RANBP2: variants seen among roughly 807,000 people sequenced by gnomAD.
RANBP2 encodes the protein E3 SUMO-protein ligase RanBP2.
In RANBP2, 57 loss-of-function variants were observed where a neutral mutation model predicts 303.6. The ratio of observed to expected loss-of-function variants is 0.19; its 90% CI spans 0.15 to 0.23. The LOEUF is 0.23. Among genes scored for constraint, RANBP2 ranks in the 10% least tolerant of loss-of-function variants. The probability of loss-of-function intolerance (pLI) is 1.00; values close to 1 mark genes in which losing one functional copy is unlikely to be tolerated. For missense variants in RANBP2, 3,138 were observed against 3,780.8 expected (o/e 0.83, Z 4.46); for synonymous variants, 1,167 against 1,301.5 (o/e 0.90, Z 2.23).
chr2:108,772,924 G>C lies in RANBP2; in HGVS notation c.8170G>C (p.Ala2724Pro), dbSNP rs1187421000. The change falls in exon 23 of 29, where the codon GCA becomes CCA. Residue 2724 changes from alanine (A) to proline (P), a missense_variant. By Grantham distance (27) the Ala-to-Pro change is conservative. Transcript: ENST00000283195. Reference protein sequence around the residue: ...WEKKPTVEEKAKADTLKLPPT... With the variant: ...WEKKPTVEEKPKADTLKLPPT... ...AAAGAAACCAACAGTTGAAGAGAAG[G>C]CAAAAGCAGATACGTTAAAACTTCC... 6.2e-7 allele frequency: 1 copy of C among 1,613,976 alleles called. No homozygotes were observed. Among genetic ancestry groups the C allele is most frequent in the Admixed American group, 1.7e-5 (1 of 60,020 alleles).
At chr2:108,727,128 C>T (rs922374106) in intron 1 of RANBP2, among the ~76,000 whole-genome samples, 1 of 152,154 alleles carries the variant, frequency 6.6e-6, no homozygotes, top group African/African-American at 2.4e-5. Context: ...CATCATGGCC[C>T]GTTCTCAATG....
At chr2:109,494,838 A>G in the RANBP2 span, among the ~76,000 whole-genome samples, 38,760 of 152,014 alleles carry the variant, frequency 0.25, 5,300 homozygotes, top group East Asian at 0.5. Context: ...CATCTCTTTC[A>G]AGACTCTGGA....
chr2:109,555,640 T>A, the RANBP2 span, among the ~76,000 whole-genome samples: 2 of 152,148 alleles, frequency 1.3e-5, no homozygotes, highest in Admixed American at 6.5e-5. Context: ...GGCACAAGTG[T>A]TTCTTGTGAT....
At chr2:109,214,702 A>G in the RANBP2 span, among the ~76,000 whole-genome samples, 2 of 152,172 alleles carry the variant, frequency 1.3e-5, no homozygotes, top group African/African-American at 4.8e-5. Context: ...CAGGACAATC[A>G]GAAGATGGGC....
chr2:109,298,317 A>G, the RANBP2 span, among the ~76,000 whole-genome samples: 1 of 151,952 alleles, frequency 6.6e-6, no homozygotes, highest in South Asian at 2.1e-4. Context: ...AGGGAAGCGC[A>G]TCTATGTCTG....
chr2:109,550,484 T>C, the RANBP2 span, among the ~76,000 whole-genome samples: 2 of 151,768 alleles, frequency 1.3e-5, no homozygotes, highest in South Asian at 2.1e-4. Context: ...TGGCTAATTT[T>C]TGTATTTTTA....
At chr2:109,115,606 A>C in the RANBP2 span, among the ~76,000 whole-genome samples, 4 of 152,182 alleles carry the variant, frequency 2.6e-5, no homozygotes, top group Non-Finnish European at 5.9e-5. Flanking sequence ...TGTGTCTTTT[A>C]ATTGGAGCAT....
the RANBP2 span, among the ~76,000 whole-genome samples, chr2:108,874,666 C>A: frequency 6.6e-6 from 1 of 152,062 alleles, no homozygotes; most frequent in African/African-American, 2.4e-5. Flanking sequence ...ATTAAGAGAT[C>A]CATATGTTCT....
intron 1 of RANBP2, among the ~76,000 whole-genome samples, chr2:108,721,636 T>G (rs1298097982): frequency 2.0e-5 from 3 of 152,214 alleles, no homozygotes; most frequent in Admixed American, 2.0e-4. Flanking sequence ...TGGTAGAGAC[T>G]GGGTTTCACC....
At chr2:108,960,762 T>C in the RANBP2 span, among the ~76,000 whole-genome samples, 1 of 152,228 alleles carries the variant, frequency 6.6e-6, no homozygotes, top group African/African-American at 2.4e-5. Flanking sequence ...TGTATAGATA[T>C]ATAGATATAT....
the RANBP2 span, among the ~76,000 whole-genome samples, chr2:109,329,950 G>A: frequency 6.6e-6 from 1 of 152,176 alleles, no homozygotes; most frequent in African/African-American, 2.4e-5. Context: ...TCTTCAATGG[G>A]TTCTTGGACC....
At chr2:109,317,091 G>A in the RANBP2 span, among the ~76,000 whole-genome samples, 2 of 152,074 alleles carry the variant, frequency 1.3e-5, no homozygotes, top group Non-Finnish European at 2.9e-5. Context: ...TGGCAGTTAT[G>A]AATAAAGCTG....
At chr2:108,761,394 A>G (rs1020216270) in intron 18 of RANBP2, among the ~76,000 whole-genome samples, 7 of 152,268 alleles carry the variant, frequency 4.6e-5, no homozygotes, top group South Asian at 2.1e-4. Context: ...GTACAGGCAT[A>G]AAAGGTCTTT....
At chr2:108,988,313 A>T in the RANBP2 span, among the ~76,000 whole-genome samples, 1 of 152,192 alleles carries the variant, frequency 6.6e-6, no homozygotes, top group Non-Finnish European at 1.5e-5. Flanking sequence ...GAGCCGACTG[A>T]ATCAGAGCCG....
the RANBP2 span, chr2:109,449,427 G>A: frequency 1.2e-6 from 2 of 1,613,994 alleles, no homozygotes; most frequent in South Asian, 1.1e-5. Flanking sequence ...GCCCATCGGT[G>A]TTCTGTCCAC....
the RANBP2 span, among the ~76,000 whole-genome samples, chr2:109,102,965 T>C: frequency 1.3e-5 from 2 of 152,166 alleles, no homozygotes; most frequent in African/African-American, 2.4e-5. Context: ...GAGAGTCTCA[T>C]AAAACACTCA....
the RANBP2 span, chr2:109,585,671 G>A: frequency 8.2e-7 from 1 of 1,224,740 alleles, no homozygotes; most frequent in Non-Finnish European, 1.2e-6. Context: ...AATGAAGTGA[G>A]CACAAGGAAT....
chr2:108,774,051 T>C (rs564316332), intron 23 of RANBP2, among the ~76,000 whole-genome samples: 14 of 152,382 alleles, frequency 9.2e-5, no homozygotes, highest in Admixed American at 2.6e-4. Flanking sequence ...CATCATCACC[T>C]AATGTTTTTA....
the RANBP2 span, among the ~76,000 whole-genome samples, chr2:109,576,044 G>A: frequency 6.6e-6 from 1 of 151,972 alleles, no homozygotes; most frequent in South Asian, 2.1e-4. Context: ...ATCACTTGAG[G>A]CCAGGAGTTC....
Sources: allele counts gnomAD v4.1 joint callset (sites outside exome capture counted in the v4.1 genomes callset), GRCh38; gene constraint gnomAD v4.1.1; transcripts MANE v1.5; gene names NCBI Gene and HGNC (gene_info 2026-07-23, HGNC 2026-07-21).